Variants in CDH18 observed in about 807,000 individuals in gnomAD.
CDH18 encodes the protein cadherin 18, also known as cadherin-18.
A neutral mutation model predicts 67.9 loss-of-function variants in CDH18; 31 were observed. The ratio of observed to expected loss-of-function variants is 0.46; its 90% CI spans 0.34 to 0.62. CDH18 has a LOEUF of 0.62. Ranked by LOEUF, CDH18 falls within the 20% of genes least tolerant of loss-of-function variation. The probability of loss-of-function intolerance (pLI) is 0.01; values close to 1 mark genes in which losing one functional copy is unlikely to be tolerated. For synonymous variants in CDH18, 362 were observed against 347.2 expected, an observed-to-expected ratio of 1.04 and a Z score of -0.48; for missense variants, 890 against 975.5, an observed-to-expected ratio of 0.91 and a Z score of 1.17.
At chr5:19,996,623 T>C (rs913148483) in intron 2 of CDH18, among the ~76,000 whole-genome samples, 1 of 152,016 alleles carries the variant, frequency 6.6e-6, no homozygotes, top group Non-Finnish European at 1.5e-5. Context: ...GCTTATTCAA[T>C]AGTTGAAAAT....
chr5:19,662,638 T>C (rs1158417914), intron 5 of CDH18, among the ~76,000 whole-genome samples: 1 of 152,046 alleles, frequency 6.6e-6, no homozygotes, highest in Non-Finnish European at 1.5e-5. Flanking sequence ...AATAACAATC[T>C]GATGAGCCAC....
intron 2 of CDH18, among the ~76,000 whole-genome samples, chr5:19,951,824 G>A (rs1188581989): frequency 1.3e-5 from 2 of 152,002 alleles, no homozygotes; most frequent in East Asian, 1.9e-4. Flanking sequence ...CCCCACTTAG[G>A]GGTATCCAGA....
At chr5:20,178,880 G>A (rs190723702) in intron 2 of CDH18, among the ~76,000 whole-genome samples, 224 of 152,194 alleles carry the variant, frequency 1.5e-3, no homozygotes, top group Non-Finnish European at 2.8e-3. Context: ...CAGGCAATAA[G>A]TCATGTGTTC....
chr5:19,519,043 A>T (rs1746473856), intron 10 of CDH18, among the ~76,000 whole-genome samples: 1 of 152,172 alleles, frequency 6.6e-6, no homozygotes, highest in Non-Finnish European at 1.5e-5. Context: ...CCGGTCAGGT[A>T]ATTTCTCTAC....
intron 11 of CDH18, among the ~76,000 whole-genome samples, chr5:19,487,253 G>T (rs1417168911): frequency 6.6e-6 from 1 of 152,098 alleles, no homozygotes; most frequent in Non-Finnish European, 1.5e-5. Context: ...AGATTAGATA[G>T]ACAAATATAG....
intron 5 of CDH18, among the ~76,000 whole-genome samples, chr5:19,685,132 A>C (rs995293183): frequency 1.3e-5 from 2 of 152,226 alleles, no homozygotes; most frequent in Admixed American, 6.5e-5. Flanking sequence ...AGGCCCTCTC[A>C]GAAGCAGATA....
chr5:19,502,965 T>A (rs1743507515), intron 11 of CDH18, 27 bp downstream of exon 11: 5 of 1,276,518 alleles, frequency 3.9e-6, no homozygotes, highest in Non-Finnish European at 5.7e-6. Context: ...ACCACATAGA[T>A]AAACAAATAT....
chr5:20,330,656 C>T (rs533920881), intron 1 of CDH18, among the ~76,000 whole-genome samples: 4 of 152,158 alleles, frequency 2.6e-5, no homozygotes, highest in Admixed American at 6.5e-5. Flanking sequence ...AAACACACTG[C>T]GCATGTGGCC....
At chr5:19,895,487 C>T (rs765438130) in intron 2 of CDH18, among the ~76,000 whole-genome samples, 36 of 152,226 alleles carry the variant, frequency 2.4e-4, no homozygotes, top group African/African-American at 6.5e-4. Context: ...CAGTTCCAAA[C>T]GACCCAGCAA....
At chr5:19,747,461 C>T (rs527757448) in intron 3 of CDH18, among the ~76,000 whole-genome samples, 2 of 150,224 alleles carry the variant, frequency 1.3e-5, no homozygotes, top group Admixed American at 6.6e-5. Flanking sequence ...AGTTATTGAT[C>T]TAAGAAAAAA....
intron 2 of CDH18, among the ~76,000 whole-genome samples, chr5:19,919,977 A>G (rs1407876154): frequency 1.3e-5 from 2 of 152,156 alleles, no homozygotes; most frequent in Non-Finnish European, 1.5e-5. Flanking sequence ...TCATTTCTAT[A>G]CTATAAAGGA....
chr5:19,543,153 A>G (rs187499958), intron 9 of CDH18, among the ~76,000 whole-genome samples: 29 of 152,256 alleles, frequency 1.9e-4, no homozygotes, highest in Non-Finnish European at 3.2e-4. Context: ...CGAATATGTT[A>G]AAAAAACTTT....
rs866178522 is a variant in CDH18, at chr5:20,356,770, T to C, written c.-579-101265A>G. On this transcript the variant is annotated intron_variant, in intron 1 of 14. Coordinates refer to the CDH18 transcript ENST00000507958. ...CTCTCTCTCTATATATATATATATA[T>C]ACACATGCACACACACATATACCTA... Among the ~76,000 whole-genome samples the C allele has an allele frequency of 1.7e-3, 246 of 148,780 alleles. 1 individual carries two copies. The highest frequency in any genetic ancestry group is 4.9e-3 in the African/African-American group (201 of 40,624).
intron 2 of CDH18, among the ~76,000 whole-genome samples, chr5:20,234,760 C>T (rs189348709): frequency 1.6e-4 from 24 of 152,192 alleles, no homozygotes; most frequent in African/African-American, 5.8e-4. Context: ...TTTAAGCAGG[C>T]TATTGTGTAT....
intron 2 of CDH18, among the ~76,000 whole-genome samples, chr5:19,875,708 A>G (rs982932533): frequency 3.9e-5 from 6 of 152,016 alleles, no homozygotes; most frequent in African/African-American, 4.8e-5. Flanking sequence ...GAATCTAGAA[A>G]GAATTTGTTT....
rs1450694362 is a variant in CDH18 at position 19,491,729 on chromosome 5, T to C, written c.1631-8177A>G. Among the ~76,000 whole-genome samples, 5 of 152,140 alleles carry C rather than the reference T, an allele frequency of 3.3e-5. No homozygotes were observed. The South Asian group carries it at 8.3e-4, about 25-fold the overall frequency. ...AAGAAAAAAAGTTTTCCTGTTTCCT[T>C]TTAAGTGTTTTGTTAAAAATTATAA... On this transcript the variant is annotated intron_variant, in intron 11 of 12. Transcript: ENST00000382275.
At chr5:20,289,208 T>C (rs1009010316) in intron 1 of CDH18, among the ~76,000 whole-genome samples, 6 of 152,148 alleles carry the variant, frequency 3.9e-5, no homozygotes, top group African/African-American at 1.2e-4. Context: ...ACTTCTTCTT[T>C]AAAATATATA....
intron 2 of CDH18, among the ~76,000 whole-genome samples, chr5:20,041,745 G>C (rs1740436199): frequency 1.3e-5 from 2 of 152,174 alleles, no homozygotes. Context: ...TTAACTGCTA[G>C]CTAGCAGAAT....
In CDH18 at chr5:19,822,572, C is replaced by T. The variant is rs181206813; in HGVS notation, c.228+16187G>A. Among the ~76,000 whole-genome samples the T allele has an allele frequency of 7.9e-5, 12 of 152,092 alleles. No homozygotes were observed. The East Asian group carries it at 2.1e-3, about 27-fold the overall frequency. ...GCAGACATCACATGTCAGTAGGTTC[C>T]GTGATGCCCCACAAGCCGCAAAACC... On this transcript the variant is annotated intron_variant, in intron 3 of 12. Transcript: ENST00000382275.
Sources: gnomAD v4.1 joint callset for allele counts (sites outside exome capture counted in the v4.1 genomes callset) on GRCh38, gnomAD v4.1.1 for gene constraint, MANE v1.5 for transcripts, NCBI Gene and HGNC (gene_info 2026-07-23, HGNC 2026-07-21) for gene names.